Variants in PDXDC1 observed in about 807,000 individuals in gnomAD.
PDXDC1 encodes the protein pyridoxal-dependent decarboxylase domain-containing protein 1.
PDXDC1 carries 42 observed loss-of-function variants against 100.1 expected under a neutral mutation model. That is an observed-to-expected ratio of 0.42 (90% CI 0.33 to 0.54). PDXDC1 has a LOEUF of 0.54. PDXDC1 is among the 20% of genes least tolerant of loss of function. PDXDC1 has a pLI of 0.10. For missense variants in PDXDC1, 636 were observed against 979.2 expected (o/e 0.65, Z 4.68); for synonymous variants, 260 against 371.7 (o/e 0.70, Z 3.46).
downstream of PDXDC1, among the ~76,000 whole-genome samples, chr16:15,140,991 G>T (rs543308016): frequency 6.6e-6 from 1 of 151,900 alleles, no homozygotes; most frequent in Non-Finnish European, 1.5e-5. Context: ...ATGACCACCC[G>T]GCAGCCAGGC....
At chr16:15,111,124 TCACACACACACACACA>T (rs200365846) in intron 16 of PDXDC1, among the ~76,000 whole-genome samples, 2 of 139,020 alleles carry the variant, frequency 1.4e-5, no homozygotes, top group Admixed American at 7.2e-5. Context: ...TGAGACTCTG[TCACACACACACACACA>T]CACACACACA....
intron 1 of PDXDC1, among the ~76,000 whole-genome samples, chr16:14,985,143 C>T (rs2151201045): frequency 6.6e-6 from 1 of 152,390 alleles, no homozygotes; most frequent in East Asian, 1.9e-4. Flanking sequence ...TCCCAAAGTG[C>T]TGGGATTACA....
At chr16:15,062,709 A>G (rs3883218) in intron 16 of PDXDC1, among the ~76,000 whole-genome samples, 1 of 152,236 alleles carries the variant, frequency 6.6e-6, no homozygotes, top group Non-Finnish European at 1.5e-5. Flanking sequence ...ATCTAAATTC[A>G]TTCAGCTAAT....
At chr16:15,086,354 G>T (rs548761454) in intron 16 of PDXDC1, 1 of 1,613,314 alleles carries the variant, frequency 6.2e-7, no homozygotes, top group Admixed American at 1.7e-5. Flanking sequence ...TAAAATAAAT[G>T]GTGAACTTAC....
chr16:15,112,217 A>G (rs1159588067), intron 16 of PDXDC1, among the ~76,000 whole-genome samples: 1 of 148,556 alleles, frequency 6.7e-6, no homozygotes, highest in African/African-American at 2.4e-5. Context: ...CTCCTGAGGT[A>G]GTCATTGAAA....
intron 16 of PDXDC1, among the ~76,000 whole-genome samples, chr16:15,129,187 G>A (rs1443502116): frequency 6.6e-6 from 1 of 151,704 alleles, no homozygotes; most frequent in Non-Finnish European, 1.5e-5. Context: ...ATGGGAACAC[G>A]GCCAGGTGTG....
At chr16:15,057,901 C>T (rs1422002939) in intron 16 of PDXDC1, among the ~76,000 whole-genome samples, 1 of 152,146 alleles carries the variant, frequency 6.6e-6, no homozygotes, top group South Asian at 2.1e-4. Flanking sequence ...TATCAATCTC[C>T]TAGGCTGAGT....
At chr16:15,093,740 C>A (rs188128411) in intron 16 of PDXDC1, among the ~76,000 whole-genome samples, 1 of 152,150 alleles carries the variant, frequency 6.6e-6, no homozygotes, top group Non-Finnish European at 1.5e-5. Context: ...TGTGTCGAAA[C>A]AAATTCCAAA....
rs143299074 is a variant in PDXDC1 at position 15,110,067 on chromosome 16, T to C, written c.1400-28812T>C. On this transcript the variant is annotated intron_variant, in intron 16 of 16. Transcript: ENST00000535621. ...TACTTGGGAGGCTGAGGCAGGAGAATTGCTTGAACCCAAAAGACAGTGAGC... is the reference window on the plus strand; with the variant it reads ...TACTTGGGAGGCTGAGGCAGGAGAACTGCTTGAACCCAAAAGACAGTGAGC... Among the ~76,000 whole-genome samples the C allele has an allele frequency of 1.6e-3, 232 of 148,304 alleles. 11 individuals carry two copies. In the East Asian group the frequency reaches 0.036, roughly 23 times the overall value.
Position 15,013,874 on chromosome 16 carries a change from C to CAAA in PDXDC1, c.728-2234_728-2232dup, listed in dbSNP as rs58185654. On this transcript the variant is annotated intron_variant, in intron 8 of 22. Coordinates refer to ENST00000396410, the MANE Select transcript of PDXDC1 (RefSeq NM_015027.4). ...TGGGCGACAGAAAGGGTCTCTGTCT[C>CAAA]AAAAAAAAAAAAAAAAAAAAAAATC... 3.2e-3 allele frequency among the ~76,000 whole-genome samples: 428 copies of CAAA among 135,868 alleles called. 1 individual carries two copies. The highest frequency in any genetic ancestry group is 0.011 in the African/African-American group (396 of 35,998). The allele number at this position is 135,868 out of a possible 152,430, so 89.1% of individuals were successfully genotyped here.
intron 13 of PDXDC1, among the ~76,000 whole-genome samples, chr16:15,023,442 G>A (rs4074872): frequency 0.24 from 35,708 of 146,528 alleles, 1,803 homozygotes; most frequent in East Asian, 0.45. Flanking sequence ...TAACATTTGA[G>A]TGTATTTGGG....
chr16:15,090,375 A>G (rs988553155), intron 16 of PDXDC1, among the ~76,000 whole-genome samples: 5 of 152,230 alleles, frequency 3.3e-5, no homozygotes, highest in African/African-American at 1.2e-4. Flanking sequence ...CCTTACTTTG[A>G]GTCAGAGACT....
intron 16 of PDXDC1, among the ~76,000 whole-genome samples, chr16:15,124,887 G>A (rs1210480402): frequency 1.3e-5 from 2 of 151,896 alleles, no homozygotes; most frequent in African/African-American, 2.4e-5. Context: ...GGTGGCTCAC[G>A]CCTGTAATCC....
chr16:15,073,464 AAAAG>A (rs546270869), intron 16 of PDXDC1, among the ~76,000 whole-genome samples: 1 of 152,350 alleles, frequency 6.6e-6, no homozygotes, highest in Admixed American at 6.5e-5. Flanking sequence ...ATTTAAAAAA[AAAAG>A]AAAGACAGAC....
intron 17 of PDXDC1, chr16:15,032,110 T>C: frequency 1.7e-6 from 1 of 582,006 alleles, no homozygotes. Flanking sequence ...GGAGGGGAGT[T>C]GCTGAATGTT....
At chr16:15,022,914 A>G (rs1195780432) in intron 13 of PDXDC1, among the ~76,000 whole-genome samples, 160 bp downstream of exon 13, 1 of 152,272 alleles carries the variant, frequency 6.6e-6, no homozygotes, top group Admixed American at 6.5e-5. Context: ...AAAAAACAAA[A>G]ACAAAAAAAC....
chr16:15,074,796 A>T, intron 16 of PDXDC1: 1 of 1,614,060 alleles, frequency 6.2e-7, no homozygotes, highest in Non-Finnish European at 8.5e-7. Context: ...CGGCTACAGG[A>T]TGCACCATCT....
intron 16 of PDXDC1, among the ~76,000 whole-genome samples, chr16:15,102,289 G>A (rs796139868): frequency 1.3e-5 from 2 of 152,038 alleles, no homozygotes; most frequent in South Asian, 2.1e-4. Context: ...ACCGCACCTG[G>A]CCTCTGAGGA....
At chr16:15,148,040 G>A in the PDXDC1 span, among the ~76,000 whole-genome samples, 1 of 151,316 alleles carries the variant, frequency 6.6e-6, no homozygotes. Flanking sequence ...CCAGGCTGGA[G>A]TGCAGTGGCA....
Sources: gnomAD v4.1 joint callset for allele counts (sites outside exome capture counted in the v4.1 genomes callset) on GRCh38, gnomAD v4.1.1 for gene constraint, MANE v1.5 for transcripts, NCBI Gene and HGNC (gene_info 2026-07-23, HGNC 2026-07-21) for gene names.